Variants in ZNF521 observed in about 807,000 individuals in gnomAD.
ZNF521 encodes zinc finger protein 521.
In ZNF521, 14 loss-of-function variants were observed where a neutral mutation model predicts 105.5. That is an observed-to-expected ratio of 0.13 (90% CI 0.09 to 0.21). The LOEUF is 0.21. ZNF521 is among the 10% of genes least tolerant of loss of function. The pLI is 1.00. For missense variants in ZNF521, 1,233 were observed against 1,629.7 expected, an observed-to-expected ratio of 0.76 and a Z score of 4.19; for synonymous variants, 635 against 606.0, an observed-to-expected ratio of 1.05 and a Z score of -0.70.
At chr18:25,255,420 T>C (rs961150576) in intron 3 of ZNF521, among the ~76,000 whole-genome samples, 3 of 152,116 alleles carry the variant, frequency 2.0e-5, no homozygotes, top group Non-Finnish European at 4.4e-5. Flanking sequence ...TTTCATAAAA[T>C]TACCAATATA....
Position 25,225,987 on chromosome 18 carries a change from G to A in ZNF521, c.1931C>T (p.Thr644Ile). ...GTGAGTCTGAAAGCTGTCTAGGGAT[G>A]TGTACTTAGCACCACATTGATTACA... Reference protein sequence around the residue: ...YICNQCGAKYTSLDSFQTHLK... With the variant: ...YICNQCGAKYISLDSFQTHLK... Residue 644 changes from threonine to isoleucine, a missense_variant, in exon 4 of 8, where the codon ACA becomes ATA. Thr to Ile is a moderately conservative substitution (Grantham distance 89). Transcript: ENST00000361524. This position sits in a 1 kb window ranked among gnomAD's most constrained non-coding sequence, Gnocchi z 5.6. 6.2e-7 allele frequency: 1 copy of A among 1,614,186 alleles called. No individual in the cohort carries two copies. The highest frequency in any genetic ancestry group is 8.5e-7 in the Non-Finnish European group (1 of 1,180,020).
At chr18:25,197,228 T>G (rs1207942502) in intron 4 of ZNF521, among the ~76,000 whole-genome samples, 3 of 151,844 alleles carry the variant, frequency 2.0e-5, no homozygotes, top group Non-Finnish European at 4.4e-5. Flanking sequence ...ATATTTTTTA[T>G]TAACAAAGCC....
chr18:25,256,301 T>C (rs1908500513), intron 3 of ZNF521, among the ~76,000 whole-genome samples: 1 of 151,910 alleles, frequency 6.6e-6, no homozygotes. Flanking sequence ...GAGTTTCAGT[T>C]TTGCAAGATG....
At chr18:25,351,383 A>G (rs1022202914) in intron 1 of ZNF521, 1 of 151,456 alleles carries the variant, frequency 6.6e-6, no homozygotes, top group Non-Finnish European at 1.5e-5. Flanking sequence ...ATGCGAATAG[A>G]AAAAAACTAA....
At chr18:25,170,599 G>T (rs535518908) in intron 5 of ZNF521, among the ~76,000 whole-genome samples, 1 of 152,212 alleles carries the variant, frequency 6.6e-6, no homozygotes, top group East Asian at 1.9e-4. Flanking sequence ...CTTAACACAT[G>T]AGTTGTTAAC....
chr18:25,271,798 A>G (rs1909678186), intron 3 of ZNF521, among the ~76,000 whole-genome samples: 1 of 152,222 alleles, frequency 6.6e-6, no homozygotes, highest in Non-Finnish European at 1.5e-5. Context: ...AAGACCTAAA[A>G]CCATAAAAAC....
At chr18:25,313,456 G>A (rs6508360) in intron 3 of ZNF521, among the ~76,000 whole-genome samples, 56,084 of 151,942 alleles carry the variant, frequency 0.37, 10,534 homozygotes, top group Admixed American at 0.42. Flanking sequence ...AGGGAAAGGG[G>A]AGGGGGAGAA....
chr18:25,135,647 A>T (rs931203711), intron 5 of ZNF521, among the ~76,000 whole-genome samples: 1 of 152,048 alleles, frequency 6.6e-6, no homozygotes, highest in African/African-American at 2.4e-5. Flanking sequence ...ATTTTAACAG[A>T]GTGTGTGTGG....
chr18:25,254,920 T>G (rs759311811), intron 3 of ZNF521, among the ~76,000 whole-genome samples: 11 of 152,112 alleles, frequency 7.2e-5, no homozygotes, highest in Non-Finnish European at 1.3e-4. Context: ...AAACCCCCAG[T>G]AAATGTTATG....
In ZNF521 at chr18:25,096,659, T is replaced by C. The variant is rs1472773658; in HGVS notation, c.3659-4578A>G. On this transcript the variant is annotated intron_variant, in intron 5 of 7. Coordinates refer to ENST00000361524, the MANE Select transcript of ZNF521 (RefSeq NM_015461.3). ...ATGCTGCTGTTATCCCAGGAATCAC[T>C]GGGGGCCCCCTTATATCGTCTGATC... Among the ~76,000 whole-genome samples, 7 of 152,168 alleles carry C rather than the reference T, an allele frequency of 4.6e-5. No homozygotes were observed. In the South Asian group the frequency reaches 6.2e-4, roughly 14 times the overall value.
At chr18:25,329,180 A>T (rs1913407847) in intron 2 of ZNF521, among the ~76,000 whole-genome samples, 1 of 152,316 alleles carries the variant, frequency 6.6e-6, no homozygotes, top group South Asian at 2.1e-4. Flanking sequence ...AAGCAAGTTC[A>T]AGTGTTTTGG....
At chr18:25,077,190 G>A (rs1469544330) in intron 7 of ZNF521, among the ~76,000 whole-genome samples, 2 of 152,158 alleles carry the variant, frequency 1.3e-5, no homozygotes, top group East Asian at 1.9e-4. Flanking sequence ...CTGAATACAA[G>A]GGTCACATGG....
chr18:25,205,415 A>G (rs185461729), intron 4 of ZNF521, among the ~76,000 whole-genome samples: 1 of 152,320 alleles, frequency 6.6e-6, no homozygotes, highest in Admixed American at 6.5e-5. Context: ...GAAGGAAAAG[A>G]GAAGTCAAAA....
chr18:25,273,220 CAAAAAAAAAAA>C (rs67381140), intron 3 of ZNF521, among the ~76,000 whole-genome samples: 12,036 of 40,944 alleles, frequency 0.29, 941 homozygotes, highest in Middle Eastern at 0.39. Flanking sequence ...ACCCTGTCTC[CAAAAAAAAAAA>C]AAAAAAAAAA....
intron 3 of ZNF521, among the ~76,000 whole-genome samples, chr18:25,262,507 A>G (rs537662462): frequency 6.6e-6 from 1 of 152,318 alleles, no homozygotes; most frequent in South Asian, 2.1e-4. Flanking sequence ...TCTTAGCATG[A>G]ATTTGCTCTA....
intron 7 of ZNF521, among the ~76,000 whole-genome samples, chr18:25,080,454 C>T (rs551616418): frequency 6.6e-6 from 1 of 152,294 alleles, no homozygotes; most frequent in South Asian, 2.1e-4. Flanking sequence ...AGAGCCTGTT[C>T]CAAGCTGTAG....
At chr18:25,069,907 T>C (rs559214738) in intron 7 of ZNF521, among the ~76,000 whole-genome samples, 4 of 152,304 alleles carry the variant, frequency 2.6e-5, no homozygotes, top group African/African-American at 9.6e-5. Context: ...GCATTTATGA[T>C]CATGTTTGCA....
At chr18:25,244,869 C>T (rs1907598533) in intron 3 of ZNF521, among the ~76,000 whole-genome samples, 1 of 152,186 alleles carries the variant, frequency 6.6e-6, no homozygotes, top group South Asian at 2.1e-4. Context: ...CATTCTGTGG[C>T]CCTGTTCTAC....
At chr18:25,075,743 G>T (rs8097558) in intron 7 of ZNF521, among the ~76,000 whole-genome samples, 4,327 of 152,222 alleles carry the variant, frequency 0.028, 206 homozygotes, top group African/African-American at 0.098. Context: ...AATAATAAGG[G>T]TTAAGTGGAA....
Sources: allele counts gnomAD v4.1 joint callset (sites outside exome capture counted in the v4.1 genomes callset), GRCh38; gene constraint gnomAD v4.1.1; non-coding constraint Gnocchi (gnomAD v3.1); transcripts MANE v1.5; gene names NCBI Gene and HGNC (gene_info 2026-07-23, HGNC 2026-07-21).